Variants in ABTB3 observed in about 807,000 individuals in gnomAD.
ABTB3 encodes ankyrin repeat- and BTB/POZ domain-containing protein 3.
At chr12:107,589,483 G>A in the ABTB3 span, among the ~76,000 whole-genome samples, 1 of 152,314 alleles carries the variant, frequency 6.6e-6, no homozygotes, top group East Asian at 1.9e-4. Flanking sequence ...ATGAGATTTG[G>A]AAAGCCATCA....
chr12:107,566,209 T>C, the ABTB3 span, among the ~76,000 whole-genome samples: 2 of 152,206 alleles, frequency 1.3e-5, no homozygotes, highest in African/African-American at 2.4e-5. Context: ...TTCTCTTTTC[T>C]TTCCTTCCTT....
the ABTB3 span, among the ~76,000 whole-genome samples, chr12:107,337,475 G>T: frequency 1.2e-4 from 18 of 152,156 alleles, no homozygotes; most frequent in Non-Finnish European, 2.2e-4. Flanking sequence ...AATGTGGCTG[G>T]TTCCCATGTA....
At chr12:107,554,049 C>T in the ABTB3 span, among the ~76,000 whole-genome samples, 1 of 152,150 alleles carries the variant, frequency 6.6e-6, no homozygotes, top group Admixed American at 6.5e-5. Flanking sequence ...GGGATGGTAA[C>T]GGAGAGTACT....
the ABTB3 span, among the ~76,000 whole-genome samples, chr12:107,423,740 C>G: frequency 1.3e-5 from 2 of 152,160 alleles, no homozygotes; most frequent in Non-Finnish European, 2.9e-5. Context: ...AAGCTGATAC[C>G]ACTCCAGGCC....
At chr12:107,581,392 G>A in the ABTB3 span, 5 of 1,148,090 alleles carry the variant, frequency 4.4e-6, no homozygotes, top group Non-Finnish European at 5.6e-6. Flanking sequence ...CCCGCTGGGC[G>A]GCCTGAGCCC....
the ABTB3 span, among the ~76,000 whole-genome samples, chr12:107,503,452 C>A: frequency 6.6e-6 from 1 of 151,976 alleles, no homozygotes; most frequent in Non-Finnish European, 1.5e-5. Flanking sequence ...GGTGTCAAAG[C>A]ATCAGAATAC....
chr12:107,438,363 G>A, the ABTB3 span, among the ~76,000 whole-genome samples: 2 of 152,188 alleles, frequency 1.3e-5, no homozygotes, highest in Admixed American at 1.3e-4. Flanking sequence ...ACAGAAACAA[G>A]TTTGCCTTTC....
the ABTB3 span, among the ~76,000 whole-genome samples, chr12:107,548,449 T>C: frequency 1.3e-5 from 2 of 152,240 alleles, no homozygotes; most frequent in Admixed American, 6.5e-5. Context: ...TATTTGGAAG[T>C]AGGCCTGCAT....
At chr12:107,437,201 A>C in the ABTB3 span, among the ~76,000 whole-genome samples, 2 of 152,148 alleles carry the variant, frequency 1.3e-5, no homozygotes, top group Admixed American at 6.5e-5. Flanking sequence ...GTATTCCAAC[A>C]TACACAGTTC....
the ABTB3 span, among the ~76,000 whole-genome samples, chr12:107,336,000 C>T: frequency 1.3e-5 from 2 of 152,166 alleles, no homozygotes; most frequent in Non-Finnish European, 2.9e-5. Context: ...CAATTCTGCT[C>T]CCTCCCCACC....
the ABTB3 span, among the ~76,000 whole-genome samples, chr12:107,413,132 G>A: frequency 1.3e-5 from 2 of 152,132 alleles, no homozygotes; most frequent in South Asian, 4.2e-4. Context: ...AAATTAGCCG[G>A]GCGTGGTGGT....
chr12:107,440,383 G>A, the ABTB3 span, among the ~76,000 whole-genome samples: 6 of 152,324 alleles, frequency 3.9e-5, no homozygotes, highest in East Asian at 1.9e-4. Context: ...CTGCCTGGAA[G>A]GTTCTAACCT....
the ABTB3 span, chr12:107,618,058 C>G: frequency 1.8e-6 from 2 of 1,128,580 alleles, no homozygotes; most frequent in Non-Finnish European, 2.5e-6. Context: ...TCACCCCTCC[C>G]AAGCTAGTGG....
the ABTB3 span, among the ~76,000 whole-genome samples, chr12:107,340,721 A>G: frequency 1.3e-5 from 2 of 152,188 alleles, no homozygotes; most frequent in Non-Finnish European, 1.5e-5. Context: ...AATAAGCACC[A>G]GGCAGGAACA....
chr12:107,532,126 G>A, the ABTB3 span, among the ~76,000 whole-genome samples: 1 of 152,144 alleles, frequency 6.6e-6, no homozygotes, highest in Non-Finnish European at 1.5e-5. Context: ...CTAAAGACAA[G>A]ACCACCAGCA....
chr12:107,485,985 CA>C, the ABTB3 span, among the ~76,000 whole-genome samples: 1 of 152,162 alleles, frequency 6.6e-6, no homozygotes, highest in Non-Finnish European at 1.5e-5. Context: ...GAGAGCTGTA[CA>C]GATAAAGATA....
the ABTB3 span, among the ~76,000 whole-genome samples, chr12:107,325,893 G>A: frequency 1.3e-5 from 2 of 152,128 alleles, no homozygotes; most frequent in African/African-American, 4.8e-5. Context: ...AATCATTATA[G>A]TTACATCAGC....
the ABTB3 span, among the ~76,000 whole-genome samples, chr12:107,503,756 C>CAAAAAAAAAAAAAAAAAAAAAAAAAAAA: frequency 2.8e-5 from 2 of 70,766 alleles, no homozygotes; most frequent in East Asian, 6.8e-4. Context: ...GACCCTATCT[C>CAAAAAAAAAAAAAAAAAAAAAAAAAAAA]AAAAAAAAAA....
chr12:107,490,205 G>A, the ABTB3 span, among the ~76,000 whole-genome samples: 2 of 152,118 alleles, frequency 1.3e-5, no homozygotes, highest in African/African-American at 4.8e-5. Context: ...CACCGCCCAG[G>A]TTCCTGAAGG....
Sources: gnomAD v4.1 joint callset for allele counts (sites outside exome capture counted in the v4.1 genomes callset) on GRCh38, gnomAD v4.1.1 for gene constraint, MANE v1.5 for transcripts, NCBI Gene and HGNC (gene_info 2026-07-23, HGNC 2026-07-21) for gene names.